The following AUTS2 variants were observed in gnomAD, a reference collection of about 807,000 sequenced individuals.
AUTS2 encodes the protein activator of transcription and developmental regulator AUTS2.
A neutral mutation model predicts 112.4 loss-of-function variants in AUTS2; 17 were observed. The ratio of observed to expected loss-of-function variants is 0.15; its 90% CI spans 0.10 to 0.23. The LOEUF (loss-of-function observed/expected upper bound fraction) is 0.23. AUTS2 is among the 10% of genes least tolerant of loss of function. The probability of loss-of-function intolerance (pLI) is 1.00; values close to 1 mark genes in which losing one functional copy is unlikely to be tolerated. For missense variants in AUTS2, 1,510 were observed against 1,701.6 expected (o/e 0.89, Z 1.98); for synonymous variants, 751 against 702.7 (o/e 1.07, Z -1.09).
Position 69,599,861 on chromosome 7 carries a change from C to T in AUTS2, c.208C>T (p.Pro70Ser). Residue 70 changes from proline (P) to serine (S), a missense_variant, in exon 1 of 19, where the codon CCC (proline) becomes TCC (serine). By Grantham distance (74) the Pro-to-Ser change is moderately conservative. Around this residue, in one of 3 missense-constraint regions of AUTS2, gnomAD observed 535 missense variants for 594.3 expected, o/e 0.90. Coordinates refer to ENST00000342771, the MANE Select transcript of AUTS2 (RefSeq NM_015570.4). This position sits in a 1 kb window ranked among gnomAD's most constrained non-coding sequence, Gnocchi z 7.0. ...GKPPSSAPSR[P>S]RPPRRKRRES... is the part of the protein sequence containing the mutation. Reference sequence around the variant, plus strand: ...GCCCCCGTCCTCCGCCCCGTCCCGGCCCAGACCCCCGCGGAGGAAGCGGAG... The same window carrying T: ...GCCCCCGTCCTCCGCCCCGTCCCGGTCCAGACCCCCGCGGAGGAAGCGGAG... 6.2e-7 allele frequency: 1 copy of T among 1,613,336 alleles called. No homozygotes were observed. The highest frequency in any genetic ancestry group is 8.5e-7 in the Non-Finnish European group (1 of 1,179,916).
intron 4 of AUTS2, among the ~76,000 whole-genome samples, chr7:70,205,216 T>G (rs1810509583): frequency 6.6e-6 from 1 of 152,096 alleles, no homozygotes; most frequent in South Asian, 2.1e-4. Context: ...TAATTTTTAT[T>G]TTTTTATTTT....
chr7:70,730,224 TTTTTG>T (rs960842971), intron 6 of AUTS2, among the ~76,000 whole-genome samples: 10 of 143,308 alleles, frequency 7.0e-5, no homozygotes, highest in African/African-American at 2.5e-4. Context: ...CCAGTTTTTT[TTTTTG>T]TTTTTTGTTT....
intron 2 of AUTS2, among the ~76,000 whole-genome samples, chr7:70,018,285 C>A (rs1800121477): frequency 6.6e-6 from 1 of 151,798 alleles, no homozygotes; most frequent in South Asian, 2.1e-4. Context: ...CTTTTATGTT[C>A]AGTTGAAGGA....
intron 2 of AUTS2, among the ~76,000 whole-genome samples, chr7:70,113,358 A>G (rs1004086340): frequency 6.6e-6 from 1 of 152,212 alleles, no homozygotes; most frequent in African/African-American, 2.4e-5. Flanking sequence ...TAAAGAATAA[A>G]ATAGTACAAA....
intron 4 of AUTS2, among the ~76,000 whole-genome samples, chr7:70,275,636 C>T (rs1787893315): frequency 6.6e-6 from 1 of 152,098 alleles, no homozygotes; most frequent in Non-Finnish European, 1.5e-5. Flanking sequence ...ATTTTAGTTC[C>T]CATAATCCCC....
At chr7:70,539,411 C>T (rs893621528) in intron 5 of AUTS2, among the ~76,000 whole-genome samples, 3 of 152,190 alleles carry the variant, frequency 2.0e-5, no homozygotes, top group African/African-American at 7.2e-5. Context: ...TTGAAAAGCC[C>T]TGTGGAACTA....
chr7:69,647,138 A>AT (rs910872551), intron 1 of AUTS2, among the ~76,000 whole-genome samples: 6 of 150,814 alleles, frequency 4.0e-5, no homozygotes, highest in Middle Eastern at 3.5e-3. Context: ...CTTGTGCCTC[A>AT]TTTTTTTTTC....
chr7:70,604,348 T>C (rs1214841670), intron 5 of AUTS2, among the ~76,000 whole-genome samples: 1 of 152,190 alleles, frequency 6.6e-6, no homozygotes, highest in African/African-American at 2.4e-5. Flanking sequence ...CTTTCAGGCC[T>C]GGAGATGCAG....
chr7:70,141,740 C>T (rs1414437605), intron 4 of AUTS2, among the ~76,000 whole-genome samples: 2 of 152,122 alleles, frequency 1.3e-5, no homozygotes, highest in Admixed American at 1.3e-4. Context: ...CTAATTCTTA[C>T]CCTTTTTTGG....
At chr7:70,106,198 G>A (rs1391298744) in intron 2 of AUTS2, among the ~76,000 whole-genome samples, 2 of 152,188 alleles carry the variant, frequency 1.3e-5, no homozygotes, top group Non-Finnish European at 2.9e-5. Flanking sequence ...AGTGAAGTTT[G>A]TTGTAAACCT....
intron 4 of AUTS2, among the ~76,000 whole-genome samples, chr7:70,205,937 C>T (rs986114991): frequency 6.6e-6 from 1 of 152,148 alleles, no homozygotes; most frequent in African/African-American, 2.4e-5. Context: ...TAAGCTAGCC[C>T]TTAAAGAATA....
At chr7:70,605,458 C>T (rs1382912275) in intron 5 of AUTS2, among the ~76,000 whole-genome samples, 1 of 151,852 alleles carries the variant, frequency 6.6e-6, no homozygotes, top group Non-Finnish European at 1.5e-5. Context: ...ACGTTTACTA[C>T]CAGGTACTCC....
intron 1 of AUTS2, among the ~76,000 whole-genome samples, chr7:69,895,854 A>AT (rs1311905595): frequency 6.6e-6 from 1 of 152,192 alleles, no homozygotes; most frequent in Non-Finnish European, 1.5e-5. Flanking sequence ...GAATGGCATA[A>AT]TTTTTTTAAA....
chr7:69,882,706 T>C (rs972298448), intron 1 of AUTS2, among the ~76,000 whole-genome samples: 4 of 152,220 alleles, frequency 2.6e-5, no homozygotes, highest in African/African-American at 7.2e-5. Context: ...CGCTCCATTT[T>C]ATATATGAGA....
chr7:70,198,375 A>G (rs989428963), intron 4 of AUTS2, among the ~76,000 whole-genome samples: 45 of 152,124 alleles, frequency 3.0e-4, no homozygotes, highest in Admixed American at 2.7e-3. Flanking sequence ...AGAAGGCTTC[A>G]GACGATCAAA....
chr7:69,765,278 C>T (rs1406607530), intron 1 of AUTS2, among the ~76,000 whole-genome samples: 2 of 152,186 alleles, frequency 1.3e-5, no homozygotes, highest in Admixed American at 1.3e-4. Context: ...GCCCTTATCA[C>T]ACCTAACAGG....
chr7:69,946,384 C>T (rs751053784), intron 2 of AUTS2, among the ~76,000 whole-genome samples: 12 of 151,934 alleles, frequency 7.9e-5, no homozygotes, highest in African/African-American at 1.5e-4. Context: ...ATAGAACTGC[C>T]GTAGGCTTTA....
At chr7:69,603,288 A>C (rs1357966383) in intron 1 of AUTS2, among the ~76,000 whole-genome samples, 1 of 152,326 alleles carries the variant, frequency 6.6e-6, no homozygotes, top group South Asian at 2.1e-4. Context: ...ATTTGACTCC[A>C]TGATTTTGTT....
rs918039211 is a variant in AUTS2 at position 70,447,621 on chromosome 7, G to C, written c.690+11840G>C. Among the ~76,000 whole-genome samples, 10 of 152,196 alleles carry C rather than the reference G, an allele frequency of 6.6e-5. No individual in the cohort carries two copies. In the East Asian group the frequency reaches 1.7e-3, roughly 26 times the overall value. On this transcript the variant is annotated intron_variant, in intron 5 of 18. Transcript: ENST00000342771. ...GTTTCAAACCCAGGTCAGTGTGGCAGTGCTCTTAGCCGCTAAGCTGGACTC... is the reference window on the plus strand; with the variant it reads ...GTTTCAAACCCAGGTCAGTGTGGCACTGCTCTTAGCCGCTAAGCTGGACTC...
Sources: allele counts gnomAD v4.1 joint callset (sites outside exome capture counted in the v4.1 genomes callset), GRCh38; gene constraint gnomAD v4.1.1; regional missense constraint gnomAD v4.1.1; non-coding constraint Gnocchi (gnomAD v3.1); transcripts MANE v1.5; gene names NCBI Gene and HGNC (gene_info 2026-07-23, HGNC 2026-07-21).